The following LRRCC1 variants were observed in gnomAD, a reference collection of about 807,000 sequenced individuals.
LRRCC1 encodes the protein leucine rich repeat and coiled-coil centrosomal protein 1.
LRRCC1 carries 115 observed loss-of-function variants against 126.0 expected under a neutral mutation model. The observed-to-expected ratio is 0.91, with a 90% CI of 0.78 to 1.07. LRRCC1 has a LOEUF of 1.07. Among genes scored for constraint, LRRCC1 ranks in the 50% least tolerant of loss-of-function variants. LRRCC1 has a pLI of 0.00. For missense variants in LRRCC1, 1,172 were observed against 1,175.7 expected (o/e 1.00, Z 0.05); for synonymous variants, 400 against 393.4 (o/e 1.02, Z -0.20).
intron 6 of LRRCC1, among the ~76,000 whole-genome samples, chr8:85,121,202 G>T (rs1175131993): frequency 6.6e-6 from 1 of 152,212 alleles, no homozygotes; most frequent in South Asian, 2.1e-4. Context: ...ATTTAAATGG[G>T]TCTTGTGGAC....
intron 17 of LRRCC1, among the ~76,000 whole-genome samples, chr8:85,140,836 G>T (rs1811199907): frequency 6.6e-6 from 1 of 152,156 alleles, no homozygotes; most frequent in African/African-American, 2.4e-5. Flanking sequence ...GCCGAGGCGG[G>T]CAGATCACTT....
chr8:85,107,263 C>G lies in LRRCC1; in HGVS notation c.-33C>G, dbSNP rs765570519. The G allele has an allele frequency of 4.2e-5, 66 of 1,581,500 alleles. No homozygotes were observed. The East Asian group carries it at 1.5e-3, about 36-fold the overall frequency. ...AAGCTCACGGACCCCTCGCTGGGTG[C>G]CGGTTAAGACCCCGCTCCCCGTCGC... On this transcript the variant is annotated 5_prime_UTR_variant, in exon 1 of 19. Transcript: ENST00000360375.
chr8:85,122,145 C>A (rs1357672574), intron 6 of LRRCC1, among the ~76,000 whole-genome samples: 4 of 152,016 alleles, frequency 2.6e-5, no homozygotes, highest in Non-Finnish European at 5.9e-5. Context: ...TCCTTGATTT[C>A]TTGTATGTAA....
At chr8:85,119,282 T>C (rs963202343) in intron 6 of LRRCC1, among the ~76,000 whole-genome samples, 1 of 152,144 alleles carries the variant, frequency 6.6e-6, no homozygotes, top group South Asian at 2.1e-4. Context: ...GGATCTATAA[T>C]GAAAATCTCT....
chr8:85,119,450 T>C (rs1809357705), intron 6 of LRRCC1, among the ~76,000 whole-genome samples: 1 of 151,960 alleles, frequency 6.6e-6, no homozygotes, highest in African/African-American at 2.4e-5. Flanking sequence ...CTGGTTTTTA[T>C]TTTTCCCCTC....
rs1810962433 is a variant in LRRCC1, at chr8:85,137,593, A to G, written c.2459A>G (p.Asp820Gly). ...TTAAGAATAAAGTGCAAAATCATAG[A>G]CGACCAAACTGAAACTATTAGAAAA... The part of the protein sequence containing the change: ...DALRIKCKII[D>G]DQTETIRKLK... The change falls in exon 15 of 19, where the codon GAC becomes GGC. Residue 820 changes from aspartate (D) to glycine (G), a missense_variant. Asp to Gly is a moderately conservative substitution (Grantham distance 94). Transcript: ENST00000360375. 2.0e-6 allele frequency: 3 copies of G among 1,484,324 alleles called. No homozygotes were observed. The South Asian group carries it at 4.6e-5, about 23-fold the overall frequency. The allele number at this position is 1,484,324 out of a possible 1,614,324, so 91.9% of individuals were successfully genotyped here.
chr8:85,139,189 G>A (rs1404582915), intron 17 of LRRCC1, among the ~76,000 whole-genome samples: 2 of 152,166 alleles, frequency 1.3e-5, no homozygotes, highest in Non-Finnish European at 2.9e-5. Context: ...TGACTACCAG[G>A]GTCAATGAGC....
intron 15 of LRRCC1, 46 bp downstream of exon 15, chr8:85,137,673 G>T (rs780186742): frequency 7.7e-7 from 1 of 1,295,252 alleles, no homozygotes; most frequent in South Asian, 2.3e-5. Context: ...TGGCAGGTTT[G>T]CAAATCTTTG....
chr8:85,135,733 T>G, intron 13 of LRRCC1, 56 bp from the exon 14 acceptor site: 1 of 1,103,450 alleles, frequency 9.1e-7, no homozygotes. Flanking sequence ...ATGGAAAAAA[T>G]AGAAAATAAA....
rs1481043830 is a variant in LRRCC1, at chr8:85,137,636, G to A, written c.2493+9G>A. The A allele has an allele frequency of 7.0e-7, 1 of 1,423,868 alleles. No homozygotes were observed. Among genetic ancestry groups the A allele is most frequent in the African/African-American group, 1.5e-5 (1 of 67,642 alleles). 88.2% of individuals were successfully genotyped at this position (1,423,868 alleles called of 1,614,324 possible). A position where few individuals can be genotyped will look rare whatever the true frequency, so the allele number is the denominator to read the frequency against. ...TTAGAAAATTAAAAGATGTAAGTTT[G>A]ACATTTTATTTTGGTTAAAGAGCAA... On this transcript the variant is annotated intron_variant, in intron 15 of 18. Coordinates refer to ENST00000360375, the MANE Select transcript of LRRCC1 (RefSeq NM_033402.5).
Position 85,141,435 on chromosome 8 carries a change from A to G in LRRCC1, c.2894A>G (p.Asp965Gly), listed in dbSNP as rs1811243637. 1.2e-6 allele frequency: 2 copies of G among 1,613,244 alleles called. No individual in the cohort carries two copies. Among genetic ancestry groups the G allele is most frequent in the African/African-American group, 1.3e-5 (1 of 74,908 alleles). ...SMDDAFKRQV[D>G]AIVEAHQAEI... Reference sequence around the variant, plus strand: ...GATGATGCCTTTAAAAGACAAGTTGATGCAATTGTTGAAGCTCATCAAGCT... The same window carrying G: ...GATGATGCCTTTAAAAGACAAGTTGGTGCAATTGTTGAAGCTCATCAAGCT... Residue 965 changes from aspartate (D) to glycine (G), a missense_variant, in exon 18 of 19, where the codon GAT (aspartate) becomes GGT (glycine). By Grantham distance (94) the Asp-to-Gly change is moderately conservative (BLOSUM62 -1). Transcript: ENST00000360375.
intron 6 of LRRCC1, among the ~76,000 whole-genome samples, chr8:85,121,979 G>A (rs1333769106): frequency 6.6e-6 from 1 of 152,138 alleles, no homozygotes; most frequent in East Asian, 1.9e-4. Context: ...TTTAGCAAAT[G>A]TTGTAGCGTT....
chr8:85,144,923 T>A (rs1587461022), intron 18 of LRRCC1, among the ~76,000 whole-genome samples: 2 of 147,162 alleles, frequency 1.4e-5, no homozygotes, highest in Non-Finnish European at 3.0e-5. Context: ...AAAAAAAAAA[T>A]AAAAAAGTTA....
Position 85,135,090 on chromosome 8 carries a change from G to A in LRRCC1, c.2154+58G>A. The A allele has an allele frequency of 2.3e-6, 3 of 1,286,832 alleles. No individual in the cohort carries two copies. In the South Asian group the frequency reaches 6.0e-5, roughly 26 times the overall value. The allele number at this position is 1,286,832 out of a possible 1,614,324, so 79.7% of individuals were successfully genotyped here. ...TTTTTTACATTATTTTCTCAAGTGG[G>A]TTGTGATAAATTTAGGAAGTACACG... is the stretch of plus-strand genomic sequence containing the variant. On this transcript the variant is annotated intron_variant, in intron 13 of 18. Transcript: ENST00000360375.
chr8:85,127,655 T>C (rs1263005078), intron 9 of LRRCC1, among the ~76,000 whole-genome samples: 1 of 152,182 alleles, frequency 6.6e-6, no homozygotes, highest in East Asian at 1.9e-4. Flanking sequence ...TTAGGCACTT[T>C]TGTGATACTG....
intron 1 of LRRCC1, 161 bp downstream of exon 1, chr8:85,107,560 T>C: frequency 1.8e-6 from 1 of 567,062 alleles, no homozygotes; most frequent in East Asian, 3.0e-5. Context: ...AAAACTTACC[T>C]GCCGAAGTGC....
In LRRCC1 at chr8:85,115,096, C is replaced by T; in HGVS notation, c.545-4C>T. The T allele has an allele frequency of 6.5e-7, 1 of 1,539,440 alleles. No individual in the cohort carries two copies. The highest frequency in any genetic ancestry group is 1.4e-5 in the African/African-American group (1 of 71,394). On this transcript the variant is annotated splice_region_variant and splice_polypyrimidine_tract_variant and intron_variant, in intron 4 of 18. Transcript: ENST00000360375. ...GTTTTCATTTTGAATGATTTGTTTCCAAGGGTACAGAGCAGTTATTCTCCA... is the reference window on the plus strand; with the variant it reads ...GTTTTCATTTTGAATGATTTGTTTCTAAGGGTACAGAGCAGTTATTCTCCA...
intron 9 of LRRCC1, among the ~76,000 whole-genome samples, chr8:85,127,721 A>G (rs1018755303): frequency 6.6e-6 from 1 of 152,226 alleles, no homozygotes; most frequent in East Asian, 1.9e-4. Flanking sequence ...CCTGTGGAGT[A>G]TAAGGACAAT....
intron 6 of LRRCC1, 81 bp from the exon 7 acceptor site, chr8:85,123,332 T>A (rs1035182375): frequency 2.1e-6 from 2 of 931,408 alleles, no homozygotes; most frequent in Non-Finnish European, 3.3e-6. Context: ...TATAAAAAGA[T>A]ATAATATTTC....
Sources: allele counts gnomAD v4.1 joint callset (sites outside exome capture counted in the v4.1 genomes callset), GRCh38; gene constraint gnomAD v4.1.1; transcripts MANE v1.5; gene names NCBI Gene and HGNC (gene_info 2026-07-23, HGNC 2026-07-21).